SORCS1: variants seen among roughly 807,000 people sequenced by gnomAD.
SORCS1 encodes the protein sortilin related VPS10 domain containing receptor 1, also known as VPS10 domain-containing receptor SorCS1.
Under a neutral mutation model 146.1 loss-of-function variants are expected in SORCS1, and 60 were observed. The ratio of observed to expected loss-of-function variants is 0.41; its 90% confidence interval spans 0.33 to 0.51. The LOEUF (loss-of-function observed/expected upper bound fraction) is 0.51. Among genes scored for constraint, SORCS1 ranks in the 20% least tolerant of loss-of-function variants. The pLI, the probability that SORCS1 is intolerant of heterozygous loss-of-function variation, is 0.21. For missense variants in SORCS1, 1,352 were observed against 1,487.6 expected, an observed-to-expected ratio of 0.91 and a Z score of 1.50; for synonymous variants, 637 against 584.0, an observed-to-expected ratio of 1.09 and a Z score of -1.31.
chr10:106,901,594 T>C (rs1407544763), intron 2 of SORCS1, among the ~76,000 whole-genome samples: 1 of 152,130 alleles, frequency 6.6e-6, no homozygotes, highest in Non-Finnish European at 1.5e-5. Context: ...CCACTATGCC[T>C]GGCTAATTGT....
intron 21 of SORCS1, 43 bp from the exon 22 acceptor site, chr10:106,612,066 C>T (rs558537329): frequency 6.8e-7 from 1 of 1,462,204 alleles, no homozygotes; most frequent in Non-Finnish European, 9.6e-7. Context: ...GTCAAATAGT[C>T]CTGTCAAGAG....
At chr10:106,815,104 G>A (rs1220583218) in intron 3 of SORCS1, among the ~76,000 whole-genome samples, 1 of 151,770 alleles carries the variant, frequency 6.6e-6, no homozygotes, top group Non-Finnish European at 1.5e-5. Flanking sequence ...GGATACAGGT[G>A]CATGCCACCA....
chr10:107,066,360 C>G (rs534219137), intron 1 of SORCS1, among the ~76,000 whole-genome samples: 1 of 152,316 alleles, frequency 6.6e-6, no homozygotes, highest in East Asian at 1.9e-4. Context: ...CTACCATGTT[C>G]ATTATCCTTC....
intron 2 of SORCS1, among the ~76,000 whole-genome samples, chr10:106,908,263 A>G (rs1952000196): frequency 6.6e-6 from 1 of 152,114 alleles, no homozygotes; most frequent in African/African-American, 2.4e-5. Flanking sequence ...GGCATATGCC[A>G]GCACCCCTTG....
intron 24 of SORCS1, among the ~76,000 whole-genome samples, chr10:106,582,708 C>A (rs754381181): frequency 6.6e-6 from 1 of 151,966 alleles, no homozygotes; most frequent in Non-Finnish European, 1.5e-5. Flanking sequence ...TGCCATTATT[C>A]ATGCACAAAG....
At chr10:106,610,573 G>A (rs1329339904) in intron 22 of SORCS1, among the ~76,000 whole-genome samples, 2 of 152,170 alleles carry the variant, frequency 1.3e-5, no homozygotes, top group African/African-American at 2.4e-5. Context: ...CTGATCAGGA[G>A]TTATCTGAAT....
chr10:106,985,102 G>A (rs935577030), intron 1 of SORCS1, among the ~76,000 whole-genome samples: 13 of 152,084 alleles, frequency 8.5e-5, no homozygotes, highest in Non-Finnish European at 1.6e-4. Flanking sequence ...AAGGAGAATC[G>A]CTTGAACCTG....
chr10:106,886,477 T>C (rs1951009516), intron 2 of SORCS1, among the ~76,000 whole-genome samples: 1 of 152,188 alleles, frequency 6.6e-6, no homozygotes, highest in African/African-American at 2.4e-5. Flanking sequence ...TCTGTTATCT[T>C]GGGTTGAGTG....
intron 4 of SORCS1, among the ~76,000 whole-genome samples, chr10:106,764,372 C>T (rs753810847): frequency 5.3e-5 from 8 of 152,218 alleles, no homozygotes; most frequent in Non-Finnish European, 1.2e-4. Context: ...AAGTGCTCCT[C>T]CACAAAGAAG....
intron 6 of SORCS1, among the ~76,000 whole-genome samples, chr10:106,711,850 C>T (rs1855015686): frequency 6.6e-6 from 1 of 152,116 alleles, no homozygotes; most frequent in African/African-American, 2.4e-5. Flanking sequence ...AAATCTTTAC[C>T]TCACAATTTT....
intron 1 of SORCS1, among the ~76,000 whole-genome samples, chr10:107,119,713 T>C (rs972787765): frequency 2.6e-5 from 4 of 152,354 alleles, no homozygotes; most frequent in African/African-American, 9.6e-5. Flanking sequence ...TAGTTGTCCA[T>C]GTCATGGAGC....
intron 1 of SORCS1, among the ~76,000 whole-genome samples, chr10:107,025,312 A>G (rs1958351100): frequency 6.6e-6 from 1 of 152,236 alleles, no homozygotes; most frequent in African/African-American, 2.4e-5. Context: ...GAAAGAAGGA[A>G]TCAACCCCAA....
intron 2 of SORCS1, among the ~76,000 whole-genome samples, chr10:106,835,370 T>TG (rs1221906632): frequency 6.6e-6 from 1 of 152,260 alleles, no homozygotes; most frequent in African/African-American, 2.4e-5. Context: ...TAGCTTTTGT[T>TG]ACTCATTTTC....
chr10:106,636,090 G>A (rs903490468), intron 18 of SORCS1, among the ~76,000 whole-genome samples: 1 of 152,146 alleles, frequency 6.6e-6, no homozygotes, highest in African/African-American at 2.4e-5. Flanking sequence ...TATACAAAGT[G>A]AGAGTGCAAG....
chr10:106,618,300 G>A, intron 20 of SORCS1, 28 bp from the exon 21 acceptor site: 3 of 1,605,052 alleles, frequency 1.9e-6, no homozygotes, highest in African/African-American at 1.3e-5. Flanking sequence ...CCAGAGTGAA[G>A]GGAAAGCTCT....
intron 1 of SORCS1, among the ~76,000 whole-genome samples, chr10:107,011,358 T>A (rs1589923408): frequency 6.6e-6 from 1 of 152,224 alleles, no homozygotes; most frequent in East Asian, 1.9e-4. Context: ...GTGATTAAAC[T>A]CATCAAGAGC....
intron 2 of SORCS1, among the ~76,000 whole-genome samples, chr10:106,934,826 C>T (rs1002942437): frequency 6.6e-6 from 1 of 152,094 alleles, no homozygotes; most frequent in African/African-American, 2.4e-5. Flanking sequence ...AAACCAATTA[C>T]CATATGTTCT....
At chr10:106,649,694 G>T (rs1849716803) in intron 18 of SORCS1, among the ~76,000 whole-genome samples, 1 of 152,140 alleles carries the variant, frequency 6.6e-6, no homozygotes. Context: ...TTTCAAAAAT[G>T]ATTCAGGTTC....
At chr10:106,778,207 G>A (rs917525889) in intron 3 of SORCS1, among the ~76,000 whole-genome samples, 2 of 152,054 alleles carry the variant, frequency 1.3e-5, no homozygotes, top group African/African-American at 2.4e-5. Context: ...CGAATTTAAG[G>A]TTCCTTGCTG....
Sources: gnomAD v4.1 joint callset for allele counts (sites outside exome capture counted in the v4.1 genomes callset) on GRCh38, gnomAD v4.1.1 for gene constraint, MANE v1.5 for transcripts, NCBI Gene and HGNC (gene_info 2026-07-23, HGNC 2026-07-21) for gene names.